Variants in NEMP1 observed in about 807,000 individuals in gnomAD.
NEMP1 encodes nuclear envelope integral membrane protein 1, also known as transmembrane protein 194.
NEMP1 carries 29 observed loss-of-function variants against 53.7 expected under a neutral mutation model. That is an observed-to-expected ratio of 0.54 (90% CI 0.40 to 0.74). The LOEUF is 0.74. NEMP1 is among the 30% of genes least tolerant of loss of function. The pLI, the probability that NEMP1 is intolerant of heterozygous loss-of-function variation, is 0.00. For synonymous variants in NEMP1, 193 were observed against 192.9 expected (o/e 1.00, Z 0.00); for missense variants, 477 against 528.6 (o/e 0.90, Z 0.96).
upstream of NEMP1, among the ~76,000 whole-genome samples, chr12:57,080,266 T>C (rs553047456): frequency 1.6e-4 from 25 of 152,296 alleles, no homozygotes; most frequent in East Asian, 3.1e-3. Flanking sequence ...GCACCTGGTC[T>C]AAAACAAGGA....
In NEMP1 at chr12:57,059,746, G is replaced by A; in HGVS notation, c.*133C>T. 1.3e-6 allele frequency: 1 copy of A among 771,208 alleles called. No homozygotes were observed. 47.8% of individuals were successfully genotyped at this position (771,208 alleles called of 1,614,324 possible). On this transcript the variant is annotated 3_prime_UTR_variant, in exon 9 of 9. Transcript: ENST00000300128. The stretch of plus-strand genomic sequence containing the variant: ...CATTTCCAAAGGGAGGCCTTTTTAG[G>A]CCTCTTATTTCAGTAGGAGAATTTC...
chr12:57,064,103 T>G lies in NEMP1; in HGVS notation c.722A>C (p.Glu241Ala), dbSNP rs2136488298. 6.2e-7 allele frequency: 1 copy of G among 1,610,020 alleles called. No homozygotes were observed. Among genetic ancestry groups the G allele is most frequent in the East Asian group, 2.2e-5 (1 of 44,658 alleles). Residue 241 changes from glutamate to alanine, a missense_variant, in exon 6 of 9, where the codon GAG (glutamate) becomes GCG (alanine). Transcript: ENST00000300128. ...LIQLVFKNLQ[E>A]IWRCYWQYLL... ...ATACTGCCAGTAACACCTCCAGATC[T>G]CTTGTAAATTTTTAAAAACTAGTTG...
Position 57,063,278 on chromosome 12 carries a change from T to C in NEMP1, c.821A>G (p.Glu274Gly). Residue 274 changes from glutamate to glycine, a missense_variant, in exon 7 of 9, where the codon GAA becomes GGA. By Grantham distance (98) the Glu-to-Gly change is moderately conservative (BLOSUM62 -2). Coordinates refer to ENST00000300128, the MANE Select transcript of NEMP1 (RefSeq NM_001130963.2). The part of the protein sequence containing the change: ...VCYKYGPLEN[E>G]RSINLLTWTL... ...CCAGGTCAGCAGGTTGATACTTCGTTCATTCTCCAAGGGCCCATACTTGTA... is the reference window on the plus strand; with the variant it reads ...CCAGGTCAGCAGGTTGATACTTCGTCCATTCTCCAAGGGCCCATACTTGTA... 6.2e-7 allele frequency: 1 copy of C among 1,614,224 alleles called. No homozygotes were observed. Among genetic ancestry groups the C allele is most frequent in the South Asian group, 1.1e-5 (1 of 91,084 alleles).
chr12:57,082,787 G>T (rs2032884044), upstream of NEMP1, among the ~76,000 whole-genome samples: 1 of 151,942 alleles, frequency 6.6e-6, no homozygotes, highest in Admixed American at 6.6e-5. Flanking sequence ...CGAGGCAGGT[G>T]GATCACTTGA....
Position 57,078,670 on chromosome 12 carries a change from C to G in NEMP1, c.76G>C (p.Gly26Arg). The G allele has an allele frequency of 1.2e-6, 2 of 1,613,488 alleles. No homozygotes were observed. Among genetic ancestry groups the G allele is most frequent in the Non-Finnish European group, 1.7e-6 (2 of 1,179,716 alleles). The change falls in exon 1 of 9, where the codon GGG becomes CGG. Residue 26 changes from glycine (G) to arginine (R), a missense_variant. Gly to Arg is a moderately radical substitution (Grantham distance 125). Coordinates refer to ENST00000300128, the MANE Select transcript of NEMP1 (RefSeq NM_001130963.2). ...AGGATCAAGAGTAGCCGCACTGTCC[C>G]ACCGCCCCCGACTCCCGAGCCCCAG... The part of the protein sequence containing the change: ...GPWGSGVGGG[G>R]TVRLLLILSG...
intron 8 of NEMP1, 73 bp downstream of exon 8, chr12:57,060,699 G>C (rs559133294): frequency 6.8e-7 from 1 of 1,465,436 alleles, no homozygotes. Context: ...CGATTCTCTA[G>C]AAGTATGATC....
intron 3 of NEMP1, 115 bp from the exon 4 acceptor site, chr12:57,069,421 C>T: frequency 3.2e-6 from 2 of 633,594 alleles, no homozygotes; most frequent in Non-Finnish European, 5.3e-6. Context: ...ATGCAAACAG[C>T]CCACCTAAAA....
At chr12:57,071,269 T>A (rs2032332439) in intron 2 of NEMP1, among the ~76,000 whole-genome samples, 1 of 152,210 alleles carries the variant, frequency 6.6e-6, no homozygotes, top group Non-Finnish European at 1.5e-5. Flanking sequence ...CCCAGAAAAC[T>A]AAAAATGTTT....
upstream of NEMP1, among the ~76,000 whole-genome samples, chr12:57,081,378 G>A (rs2136526349): frequency 6.6e-6 from 1 of 152,032 alleles, no homozygotes; most frequent in African/African-American, 2.4e-5. Flanking sequence ...CAAGTAGCTG[G>A]GATTACAGGT....
intron 4 of NEMP1, among the ~76,000 whole-genome samples, chr12:57,067,726 TG>T (rs1274692606): frequency 6.6e-6 from 1 of 152,182 alleles, no homozygotes; most frequent in Non-Finnish European, 1.5e-5. Flanking sequence ...TCTTCCCTCA[TG>T]TATTTCCCAA....
chr12:57,062,958 A>T (rs2031888302), intron 7 of NEMP1, among the ~76,000 whole-genome samples, 161 bp downstream of exon 7: 1 of 143,354 alleles, frequency 7.0e-6, no homozygotes, highest in Non-Finnish European at 1.5e-5. Context: ...TATAGAAAGT[A>T]AAAAAAAAAA....
At chr12:57,067,943 T>A (rs1343170591) in intron 4 of NEMP1, among the ~76,000 whole-genome samples, 1 of 152,044 alleles carries the variant, frequency 6.6e-6, no homozygotes, top group East Asian at 1.9e-4. Context: ...CTAATTTTTG[T>A]ATTTTTTTGT....
chr12:57,063,135 G>T lies in NEMP1; in HGVS notation c.964C>A (p.Leu322Met). ...TTCAGTCACCTGCAGGTGATGTACAGCCACTGAATAGGGTGTTCCAGGTTC... is the reference window on the plus strand; with the variant it reads ...TTCAGTCACCTGCAGGTGATGTACATCCACTGAATAGGGTGTTCCAGGTTC... ...TKNLEHPIQWLYITCRKVCKG... is the reference protein window; with the variant it reads ...TKNLEHPIQWMYITCRKVCKG... The change falls in exon 7 of 9, where the codon CTG (leucine) becomes ATG (methionine). Residue 322 changes from leucine to methionine, a missense_variant. By Grantham distance (15) the Leu-to-Met change is conservative. Transcript: ENST00000300128. 6.2e-7 allele frequency: 1 copy of T among 1,613,238 alleles called. No individual in the cohort carries two copies. The highest frequency in any genetic ancestry group is 8.5e-7 in the Non-Finnish European group (1 of 1,179,190).
At chr12:57,085,497 G>A (rs547665325) in intron 1 of NEMP1, among the ~76,000 whole-genome samples, 1 of 152,270 alleles carries the variant, frequency 6.6e-6, no homozygotes, top group African/African-American at 2.4e-5. Context: ...GTAATTATTC[G>A]TTTATAGGTC....
intron 1 of NEMP1, among the ~76,000 whole-genome samples, chr12:57,086,652 G>A (rs964989411): frequency 6.6e-6 from 1 of 152,164 alleles, no homozygotes; most frequent in Non-Finnish European, 1.5e-5. Context: ...ACGGAAGGGA[G>A]TAGGAGGGGA....
intron 1 of NEMP1, among the ~76,000 whole-genome samples, 175 bp downstream of exon 1, chr12:57,078,444 C>T (rs570498435): frequency 1.6e-4 from 24 of 152,272 alleles, no homozygotes; most frequent in Admixed American, 1.6e-3. Context: ...GGGCCCAGAC[C>T]CTCAGTCCCG....
At chr12:57,069,837 C>G (rs2032266885) in intron 3 of NEMP1, among the ~76,000 whole-genome samples, 1 of 149,306 alleles carries the variant, frequency 6.7e-6, no homozygotes, top group Non-Finnish European at 1.5e-5. Flanking sequence ...TAGCAAAGGC[C>G]CCTTAGTGGC....
chr12:57,070,959 AT>A (rs1592510146), intron 2 of NEMP1, 66 bp from the exon 3 acceptor site: 1 of 1,390,826 alleles, frequency 7.2e-7, no homozygotes, highest in Non-Finnish European at 9.9e-7. Flanking sequence ...CACAAATACA[AT>A]TTTTTAAAAA....
At chr12:57,080,171 G>T (rs1371654798), upstream of NEMP1, among the ~76,000 whole-genome samples, 2 of 151,996 alleles carry the variant, frequency 1.3e-5, no homozygotes, top group Non-Finnish European at 2.9e-5. Context: ...TTGCTATGTT[G>T]CCCAGGCTGA....
Sources: allele counts gnomAD v4.1 joint callset (sites outside exome capture counted in the v4.1 genomes callset), GRCh38; gene constraint gnomAD v4.1.1; transcripts MANE v1.5; gene names NCBI Gene and HGNC (gene_info 2026-07-23, HGNC 2026-07-21).